FRMD4A: variants seen among roughly 807,000 people sequenced by gnomAD.
FRMD4A encodes FERM domain-containing protein 4A.
FRMD4A carries 29 observed loss-of-function variants against 129.1 expected under a neutral mutation model. The ratio of observed to expected loss-of-function variants is 0.22; its 90% CI spans 0.17 to 0.31. FRMD4A has a LOEUF of 0.31. FRMD4A is among the 10% of genes least tolerant of loss of function. FRMD4A has a pLI of 1.00. For synonymous variants in FRMD4A, 634 were observed against 571.6 expected (o/e 1.11, Z -1.56); for missense variants, 1,272 against 1,375.8 (o/e 0.92, Z 1.19).
chr10:14,155,175 G>A (rs1022729475), intron 2 of FRMD4A, among the ~76,000 whole-genome samples: 24 of 152,244 alleles, frequency 1.6e-4, no homozygotes, highest in African/African-American at 3.6e-4. Flanking sequence ...CATGTTTATC[G>A]TCCCAGCTAC....
At chr10:14,065,996 G>A (rs1345822459) in intron 2 of FRMD4A, among the ~76,000 whole-genome samples, 3 of 139,068 alleles carry the variant, frequency 2.2e-5, no homozygotes, top group Admixed American at 7.5e-5. Flanking sequence ...AGTATGAAGT[G>A]GGGGTATGTA....
At chr10:13,923,645 C>T (rs185569290) in intron 2 of FRMD4A, among the ~76,000 whole-genome samples, 7 of 152,194 alleles carry the variant, frequency 4.6e-5, no homozygotes, top group East Asian at 3.9e-4. Flanking sequence ...TGCCTCACAC[C>T]GAGTTCAAGG....
At chr10:14,205,492 C>T (rs1195254830) in intron 2 of FRMD4A, among the ~76,000 whole-genome samples, 1 of 152,068 alleles carries the variant, frequency 6.6e-6, no homozygotes, top group Non-Finnish European at 1.5e-5. Context: ...AACCAGGATT[C>T]CCTGGGGTGA....
rs529399620 is a variant in FRMD4A, at chr10:14,095,732, A to G, written c.45+234326T>C. 3.9e-5 allele frequency among the ~76,000 whole-genome samples: 6 copies of G among 152,348 alleles called. No individual in the cohort carries two copies. In the South Asian group the frequency reaches 1.2e-3, roughly 32 times the overall value. Reference sequence around the variant, plus strand: ...ACCACATGTGCTGGTTTTAGCCCATATATGATGTGGCATATAAATAAGCAT... The same window carrying G: ...ACCACATGTGCTGGTTTTAGCCCATGTATGATGTGGCATATAAATAAGCAT... On this transcript the variant is annotated intron_variant, in intron 2 of 24. Coordinates refer to ENST00000357447, the MANE Select transcript of FRMD4A (RefSeq NM_018027.5).
intron 2 of FRMD4A, among the ~76,000 whole-genome samples, chr10:13,978,075 T>G (rs968725180): frequency 1.3e-5 from 2 of 152,162 alleles, no homozygotes; most frequent in African/African-American, 4.8e-5. Flanking sequence ...TGCCAGACAG[T>G]TTTCCAAAGC....
intron 2 of FRMD4A, among the ~76,000 whole-genome samples, chr10:14,296,425 C>G (rs994144529): frequency 6.6e-6 from 1 of 152,176 alleles, no homozygotes; most frequent in Admixed American, 6.5e-5. Context: ...TTGCCTCTCT[C>G]AAGCCTCTGG....
chr10:13,904,589 C>A (rs1222786724), intron 2 of FRMD4A, among the ~76,000 whole-genome samples: 7 of 152,202 alleles, frequency 4.6e-5, no homozygotes, highest in Non-Finnish European at 1.0e-4. Flanking sequence ...AAAATGTGTT[C>A]ACCTGTACAC....
chr10:13,894,482 C>T (rs1302754146), intron 2 of FRMD4A, among the ~76,000 whole-genome samples: 1 of 152,194 alleles, frequency 6.6e-6, no homozygotes, highest in Non-Finnish European at 1.5e-5. Flanking sequence ...CCGTATGTTC[C>T]AGGTGGTCAC....
At chr10:14,004,472 G>A (rs1472914968) in intron 2 of FRMD4A, among the ~76,000 whole-genome samples, 1 of 152,150 alleles carries the variant, frequency 6.6e-6, no homozygotes, top group Non-Finnish European at 1.5e-5. Context: ...AACCCAGGAG[G>A]TGGAGGTTGC....
At chr10:13,990,832 C>T (rs760174741) in intron 2 of FRMD4A, among the ~76,000 whole-genome samples, 10 of 152,240 alleles carry the variant, frequency 6.6e-5, no homozygotes, top group Non-Finnish European at 1.3e-4. Flanking sequence ...GCCTCACTGT[C>T]TCTCAGCCCT....
chr10:13,714,356 C>A (rs574961433), intron 12 of FRMD4A, among the ~76,000 whole-genome samples: 1 of 151,530 alleles, frequency 6.6e-6, no homozygotes, highest in Admixed American at 6.6e-5. Context: ...AGCCAACATC[C>A]TGGCCCAGGT....
At chr10:14,270,131 G>A (rs1383229616) in intron 2 of FRMD4A, among the ~76,000 whole-genome samples, 1 of 152,200 alleles carries the variant, frequency 6.6e-6, no homozygotes, top group Non-Finnish European at 1.5e-5. Flanking sequence ...GACTGACTGA[G>A]AGAGATACCA....
At chr10:13,769,919 T>C (rs2092406867) in intron 6 of FRMD4A, among the ~76,000 whole-genome samples, 1 of 152,204 alleles carries the variant, frequency 6.6e-6, no homozygotes, top group Non-Finnish European at 1.5e-5. Flanking sequence ...GCCAGTGGAC[T>C]GACACCACTG....
chr10:14,145,973 A>G (rs976583962), intron 2 of FRMD4A, among the ~76,000 whole-genome samples: 2 of 152,238 alleles, frequency 1.3e-5, no homozygotes, highest in Admixed American at 6.5e-5. Flanking sequence ...GATGAAGCTT[A>G]AAACATTTTC....
chr10:13,884,905 T>C (rs1274415212), intron 2 of FRMD4A, among the ~76,000 whole-genome samples: 4 of 152,210 alleles, frequency 2.6e-5, no homozygotes, highest in Admixed American at 6.5e-5. Flanking sequence ...GTCTATAAAA[T>C]TGATTTCAGT....
intron 2 of FRMD4A, among the ~76,000 whole-genome samples, chr10:13,866,534 C>A (rs1339005146): frequency 2.0e-5 from 3 of 152,228 alleles, no homozygotes; most frequent in African/African-American, 7.2e-5. Context: ...GGTACCCAAA[C>A]ATTGCAAGAC....
At chr10:13,761,154 A>G (rs1031574622) in intron 8 of FRMD4A, among the ~76,000 whole-genome samples, 1 of 152,238 alleles carries the variant, frequency 6.6e-6, no homozygotes, top group Non-Finnish European at 1.5e-5. Context: ...ACAATATCCT[A>G]AGACAGAAGG....
At chr10:14,154,797 C>A (rs918870647) in intron 2 of FRMD4A, among the ~76,000 whole-genome samples, 1 of 152,174 alleles carries the variant, frequency 6.6e-6, no homozygotes, top group African/African-American at 2.4e-5. Context: ...TCCTACCCAA[C>A]CTTCTGCAAA....
chr10:14,286,901 C>T (rs185389924), intron 2 of FRMD4A, among the ~76,000 whole-genome samples: 222 of 151,978 alleles, frequency 1.5e-3, no homozygotes, highest in Non-Finnish European at 2.5e-3. Flanking sequence ...ATCTCGTTGC[C>T]CCTGCTGCTG....
Sources: gnomAD v4.1 joint callset for allele counts (sites outside exome capture counted in the v4.1 genomes callset) on GRCh38, gnomAD v4.1.1 for gene constraint, MANE v1.5 for transcripts, NCBI Gene and HGNC (gene_info 2026-07-23, HGNC 2026-07-21) for gene names.